The following MVB12B variants were observed in gnomAD, a reference collection of about 807,000 sequenced individuals.
MVB12B encodes multivesicular body subunit 12B, also known as ESCRT-I complex subunit MVB12B.
In MVB12B, 16 loss-of-function variants were observed where a neutral mutation model predicts 41.6. That is an observed-to-expected ratio of 0.38 (90% CI 0.26 to 0.58). The LOEUF (loss-of-function observed/expected upper bound fraction) is 0.58. Among genes scored for constraint, MVB12B ranks in the 20% least tolerant of loss-of-function variants. The pLI, the probability that MVB12B is intolerant of heterozygous loss-of-function variation, is 0.62. For synonymous variants in MVB12B, 133 were observed against 139.7 expected (o/e 0.95, Z 0.34); for missense variants, 274 against 380.2 (o/e 0.72, Z 2.32).
intron 9 of MVB12B, among the ~76,000 whole-genome samples, chr9:126,500,389 C>A (rs559529850): frequency 3.3e-5 from 5 of 152,302 alleles, no homozygotes; most frequent in Non-Finnish European, 5.9e-5. Flanking sequence ...CACCCCCTCC[C>A]CCAACCAGTC....
rs1588126822 is a variant in MVB12B, at chr9:126,383,384, T to C, written c.312+2213T>C. On this transcript the variant is annotated intron_variant, in intron 3 of 9. Transcript: ENST00000361171. ...AGTGACATTGCTTCCTGGGGAAGGA[T>C]CGAGATTAATTGCACTTTTCATGCC... Among the ~76,000 whole-genome samples, 3 of 152,284 alleles carry C rather than the reference T, an allele frequency of 2.0e-5. No individual in the cohort carries two copies. The East Asian group carries it at 5.8e-4, about 29-fold the overall frequency.
chr9:126,327,133 A>G (rs971127880), intron 1 of MVB12B, 123 bp downstream of exon 1: 1 of 442,222 alleles, frequency 2.3e-6, no homozygotes, highest in Non-Finnish European at 3.0e-6. Flanking sequence ...GGCCGCGCCG[A>G]GGCCTGCGGG....
At chr9:126,442,850 G>T (rs912830322) in intron 7 of MVB12B, among the ~76,000 whole-genome samples, 10 of 152,192 alleles carry the variant, frequency 6.6e-5, no homozygotes, top group African/African-American at 2.4e-4. Context: ...ACGGCAGTGG[G>T]CAGATGGTCA....
chr9:126,421,837 G>T lies in MVB12B; in HGVS notation c.663-17G>T. The T allele has an allele frequency of 6.3e-7, 1 of 1,597,922 alleles. No homozygotes were observed. The highest frequency in any genetic ancestry group is 2.2e-5 in the East Asian group (1 of 44,784). On this transcript the variant is annotated splice_polypyrimidine_tract_variant and intron_variant, in intron 6 of 9. Coordinates refer to ENST00000361171, the MANE Select transcript of MVB12B (RefSeq NM_033446.3). Reference sequence around the variant, plus strand: ...TGCTCCTTGTAATCTCCTTTCTCTCGTCCTTCTCTTCCTCAGGCACATCTC... The same window carrying T: ...TGCTCCTTGTAATCTCCTTTCTCTCTTCCTTCTCTTCCTCAGGCACATCTC...
At chr9:126,341,747 C>T (rs550540654) in intron 2 of MVB12B, among the ~76,000 whole-genome samples, 1 of 152,326 alleles carries the variant, frequency 6.6e-6, no homozygotes, top group African/African-American at 2.4e-5. Context: ...CCAGTAGCAC[C>T]TGTCCCTCCT....
At chr9:126,410,141 T>TTGTGTG (rs3222493) in intron 6 of MVB12B, among the ~76,000 whole-genome samples, 3,594 of 148,558 alleles carry the variant, frequency 0.024, 66 homozygotes, top group Non-Finnish European at 0.031. Flanking sequence ...TGATTTGGTT[T>TTGTGTG]TGTGTGTGTG....
intron 2 of MVB12B, among the ~76,000 whole-genome samples, chr9:126,378,871 T>C (rs1830561413): frequency 6.6e-6 from 1 of 152,164 alleles, no homozygotes; most frequent in Non-Finnish European, 1.5e-5. Context: ...TACATTTTCA[T>C]TTCTCACTCT....
At chr9:126,419,261 C>T (rs1000862929) in intron 6 of MVB12B, among the ~76,000 whole-genome samples, 2 of 152,204 alleles carry the variant, frequency 1.3e-5, no homozygotes, top group South Asian at 4.1e-4. Flanking sequence ...AAGCAAAATA[C>T]TTCCCTGGCT....
At chr9:126,397,369 C>T (rs1831146396) in intron 6 of MVB12B, 1 of 985,466 alleles carries the variant, frequency 1.0e-6, no homozygotes, top group Non-Finnish European at 1.2e-6. Flanking sequence ...AACACCGAGC[C>T]ACCGGCAGCC....
intron 7 of MVB12B, among the ~76,000 whole-genome samples, chr9:126,446,273 G>A (rs1832763388): frequency 6.6e-6 from 1 of 151,480 alleles, no homozygotes; most frequent in African/African-American, 2.4e-5. Context: ...TGATGATTTA[G>A]CATTTAGAAA....
At chr9:126,403,988 C>G (rs1831345171) in intron 6 of MVB12B, among the ~76,000 whole-genome samples, 1 of 130,072 alleles carries the variant, frequency 7.7e-6, no homozygotes, top group Admixed American at 9.3e-5. Context: ...CAGAGTCTCA[C>G]TGTCGCCCAG....
At chr9:126,406,712 A>G (rs964226045) in intron 6 of MVB12B, among the ~76,000 whole-genome samples, 5 of 152,174 alleles carry the variant, frequency 3.3e-5, no homozygotes, top group African/African-American at 9.7e-5. Flanking sequence ...CATTTCTTTT[A>G]TATGGGAGGT....
chr9:126,380,724 AC>A (rs1407581702), intron 2 of MVB12B, among the ~76,000 whole-genome samples: 1 of 152,072 alleles, frequency 6.6e-6, no homozygotes, highest in Non-Finnish European at 1.5e-5. Context: ...TTCACCCCGC[AC>A]CATCCCCCCG....
intron 2 of MVB12B, among the ~76,000 whole-genome samples, chr9:126,377,082 C>A (rs10987261): frequency 0.05 from 7,667 of 152,122 alleles, 213 homozygotes; most frequent in Middle Eastern, 0.078. Flanking sequence ...CCCTCTTGCT[C>A]GTCATTGTGG....
chr9:126,336,756 A>G lies in MVB12B; in HGVS notation c.82-3752A>G, dbSNP rs74309999. 6.2e-3 allele frequency among the ~76,000 whole-genome samples: 669 copies of G among 108,424 alleles called. 3 individuals carry two copies. Among genetic ancestry groups the G allele is most frequent in the African/African-American group, 9.3e-3 (284 of 30,502 alleles). 71.1% of individuals were successfully genotyped at this position (108,424 alleles called of 152,430 possible). ...CACATACATGTTTGTGTGTGCACGCACACACACACACACACACACACACAC... is the reference window on the plus strand; with the variant it reads ...CACATACATGTTTGTGTGTGCACGCGCACACACACACACACACACACACAC... On this transcript the variant is annotated intron_variant, in intron 1 of 9. Transcript: ENST00000361171.
intron 4 of MVB12B, among the ~76,000 whole-genome samples, chr9:126,390,031 C>T (rs1299096728): frequency 1.3e-5 from 2 of 152,160 alleles, no homozygotes; most frequent in African/African-American, 4.8e-5. Context: ...TCCCCACTCC[C>T]GGCCCCTATA....
At chr9:126,351,997 T>C (rs1392083446) in intron 2 of MVB12B, among the ~76,000 whole-genome samples, 1 of 152,186 alleles carries the variant, frequency 6.6e-6, no homozygotes, top group Non-Finnish European at 1.5e-5. Flanking sequence ...GTGGATTAAA[T>C]AGATTGGTTT....
chr9:126,455,538 G>A (rs1048810533), intron 7 of MVB12B, among the ~76,000 whole-genome samples: 7 of 152,270 alleles, frequency 4.6e-5, no homozygotes, highest in African/African-American at 1.4e-4. Flanking sequence ...AGGTTGGAGT[G>A]CAGTGGCAAG....
At chr9:126,418,220 G>C (rs1317751367) in intron 6 of MVB12B, among the ~76,000 whole-genome samples, 5 of 152,064 alleles carry the variant, frequency 3.3e-5, no homozygotes, top group Non-Finnish European at 5.9e-5. Flanking sequence ...GAGAACCTGG[G>C]GCGGGGGTTG....
Sources: gnomAD v4.1 joint callset for allele counts (sites outside exome capture counted in the v4.1 genomes callset) on GRCh38, gnomAD v4.1.1 for gene constraint, MANE v1.5 for transcripts, NCBI Gene and HGNC (gene_info 2026-07-23, HGNC 2026-07-21) for gene names.